CEP112: variants seen among roughly 807,000 people sequenced by gnomAD.
CEP112 encodes the protein centrosomal protein 112.
Under a neutral mutation model 153.0 loss-of-function variants are expected in CEP112, and 127 were observed. The ratio of observed to expected loss-of-function variants is 0.83; its 90% CI spans 0.72 to 0.96. CEP112 has a LOEUF of 0.96. Among genes scored for constraint, CEP112 ranks in the 40% least tolerant of loss-of-function variants. The pLI is 0.00. For missense variants in CEP112, 1,089 were observed against 1,101.2 expected (o/e 0.99, Z 0.16); for synonymous variants, 358 against 374.4 (o/e 0.96, Z 0.51).
At chr17:65,739,731 A>G (rs1567943337) in intron 23 of CEP112, among the ~76,000 whole-genome samples, 1 of 151,792 alleles carries the variant, frequency 6.6e-6, no homozygotes, top group African/African-American at 2.4e-5. Flanking sequence ...GCAAGACTCC[A>G]TCTCAAAAAA....
At chr17:66,145,419 T>G (rs991536109) in intron 4 of CEP112, among the ~76,000 whole-genome samples, 1 of 152,140 alleles carries the variant, frequency 6.6e-6, no homozygotes, top group South Asian at 2.1e-4. Context: ...TTGTTTTGTG[T>G]TTTTTTATAT....
chr17:65,842,797 A>T (rs2057570414), intron 21 of CEP112, among the ~76,000 whole-genome samples: 1 of 152,178 alleles, frequency 6.6e-6, no homozygotes, highest in African/African-American at 2.4e-5. Flanking sequence ...ACATAAATAC[A>T]TTTAAAATAT....
chr17:65,650,738 A>G (rs1033593200), intron 24 of CEP112, among the ~76,000 whole-genome samples: 4 of 149,464 alleles, frequency 2.7e-5, no homozygotes, highest in South Asian at 2.1e-4. Flanking sequence ...ACTAAAAAAA[A>G]AAAAAAAAAA....
intron 20 of CEP112, chr17:65,873,751 C>T (rs2146526269): frequency 6.6e-6 from 1 of 152,266 alleles, no homozygotes; most frequent in Admixed American, 6.5e-5. Flanking sequence ...GAGGCAGGAA[C>T]TTAACTAAGA....
intron 21 of CEP112, among the ~76,000 whole-genome samples, chr17:65,762,355 T>G (rs1285190361): frequency 6.6e-6 from 1 of 152,166 alleles, no homozygotes; most frequent in South Asian, 2.1e-4. Flanking sequence ...AGACAATATA[T>G]AGTTGGGTCT....
intron 4 of CEP112, among the ~76,000 whole-genome samples, chr17:66,146,498 T>C (rs2146647356): frequency 6.6e-6 from 1 of 152,248 alleles, no homozygotes; most frequent in East Asian, 1.9e-4. Context: ...AATGTTTTAT[T>C]ATCAATTGTG....
intron 21 of CEP112, among the ~76,000 whole-genome samples, chr17:65,842,424 A>G (rs989002304): frequency 3.3e-5 from 5 of 152,126 alleles, no homozygotes; most frequent in African/African-American, 4.8e-5. Flanking sequence ...AGTGCTCTTT[A>G]ATGTGCAGCA....
At chr17:66,013,573 C>T (rs1459795181) in intron 16 of CEP112, among the ~76,000 whole-genome samples, 1 of 131,002 alleles carries the variant, frequency 7.6e-6, no homozygotes, top group African/African-American at 2.6e-5. Flanking sequence ...GCTTTGTTCT[C>T]TGGTCCCTCA....
intron 24 of CEP112, among the ~76,000 whole-genome samples, chr17:65,642,100 G>T (rs1400227455): frequency 6.6e-6 from 1 of 152,228 alleles, no homozygotes; most frequent in Non-Finnish European, 1.5e-5. Context: ...ATGAAGATGT[G>T]CATGGATGAG....
chr17:65,829,371 A>G (rs1389465509), intron 21 of CEP112, among the ~76,000 whole-genome samples: 1 of 152,112 alleles, frequency 6.6e-6, no homozygotes, highest in East Asian at 1.9e-4. Context: ...ATGAGTTAGA[A>G]CCAGACCTGA....
At chr17:65,715,929 T>A (rs1236980740) in intron 23 of CEP112, among the ~76,000 whole-genome samples, 1 of 152,202 alleles carries the variant, frequency 6.6e-6, no homozygotes. Context: ...ACTACAGTAC[T>A]ACTGTTACTG....
At chr17:65,639,836 C>CTTTTTTTT (rs554226605) in intron 25 of CEP112, among the ~76,000 whole-genome samples, 7 of 110,968 alleles carry the variant, frequency 6.3e-5, no homozygotes, top group African/African-American at 1.0e-4. Context: ...CTCTTTCTTT[C>CTTTTTTTT]TTTTTTTTTT....
At chr17:65,969,884 TTACA>T (rs2062593014) in intron 17 of CEP112, among the ~76,000 whole-genome samples, 1 of 152,214 alleles carries the variant, frequency 6.6e-6, no homozygotes, top group African/African-American at 2.4e-5. Flanking sequence ...TATGTGTAAA[TTACA>T]TGCATGCTTA....
intron 17 of CEP112, among the ~76,000 whole-genome samples, chr17:65,971,642 ATTGCATGCATGTCACATGCATGTATG>A (rs2062832290): frequency 2.1e-5 from 3 of 146,262 alleles, no homozygotes; most frequent in Non-Finnish European, 4.5e-5. Flanking sequence ...ATTGCGTTAT[ATTGCATGCATGTCACATGCATGTATG>A]TTACATGCAT....
At chr17:65,699,731 C>G (rs1404435631) in intron 23 of CEP112, among the ~76,000 whole-genome samples, 1 of 152,092 alleles carries the variant, frequency 6.6e-6, no homozygotes, top group African/African-American at 2.4e-5. Context: ...GGGCTCAAGT[C>G]ATCTTCCTAC....
chr17:66,107,456 C>G (rs2068834275), intron 6 of CEP112, among the ~76,000 whole-genome samples: 1 of 151,982 alleles, frequency 6.6e-6, no homozygotes, highest in Non-Finnish European at 1.5e-5. Flanking sequence ...TTGCAGAACA[C>G]AAGATCAACA....
chr17:65,970,396 G>GCACACATCATGCATGTATATTA lies in CEP112; in HGVS notation c.1737-8799_1737-8798insTAATATACATGCATGATGTGTG, dbSNP rs1568313848. 5.4e-3 allele frequency among the ~76,000 whole-genome samples: 17 copies of GCACACATCATGCATGTATATTA among 3,138 alleles called. 1 individual carries two copies. The highest frequency in any genetic ancestry group is 0.016 in the African/African-American group (15 of 922). 2.1% of individuals were successfully genotyped at this position (3,138 alleles called of 152,430 possible). On this transcript the variant is annotated intron_variant, in intron 17 of 26. Transcript: ENST00000535342. The stretch of plus-strand genomic sequence containing the variant: ...CACACATCATGCATATATATTACAT[G>GCACACATCATGCATGTATATTA]CATGCACACATCATGCATGTATATT...
chr17:65,888,277 GCAAT>G (rs2059352284), intron 20 of CEP112, among the ~76,000 whole-genome samples: 1 of 152,110 alleles, frequency 6.6e-6, no homozygotes, highest in African/African-American at 2.4e-5. Flanking sequence ...TTTCCTTCAG[GCAAT>G]CAGTCTTCTG....
intron 20 of CEP112, among the ~76,000 whole-genome samples, chr17:65,883,102 G>A (rs1186662987): frequency 1.3e-5 from 2 of 151,904 alleles, no homozygotes; most frequent in East Asian, 3.9e-4. Context: ...GTCTCTGGGT[G>A]GAACAAACAA....
Sources: gnomAD v4.1 joint callset for allele counts (sites outside exome capture counted in the v4.1 genomes callset) on GRCh38, gnomAD v4.1.1 for gene constraint, MANE v1.5 for transcripts, NCBI Gene and HGNC (gene_info 2026-07-23, HGNC 2026-07-21) for gene names.